Variants in PDS5A observed in about 807,000 individuals in gnomAD.
PDS5A encodes PDS5 cohesin associated factor A.
A neutral mutation model predicts 167.1 loss-of-function variants in PDS5A; 42 were observed. The ratio of observed to expected loss-of-function variants is 0.25; its 90% confidence interval spans 0.20 to 0.33. The LOEUF is 0.33. Ranked by LOEUF, PDS5A falls within the 10% of genes least tolerant of loss-of-function variation. The pLI is 1.00. For synonymous variants in PDS5A, 553 were observed against 554.6 expected, an observed-to-expected ratio of 1.00 and a Z score of 0.04; for missense variants, 1,033 against 1,605.9, an observed-to-expected ratio of 0.64 and a Z score of 6.10.
intron 2 of PDS5A, among the ~76,000 whole-genome samples, chr4:39,965,840 A>G (rs1236823191): frequency 6.6e-6 from 1 of 152,182 alleles, no homozygotes; most frequent in Admixed American, 6.6e-5. Flanking sequence ...GGAAGATGAA[A>G]AATTCTGGAG....
chr4:39,903,425 G>A lies in PDS5A; in HGVS notation c.1385+615C>T, dbSNP rs182700940. On this transcript the variant is annotated intron_variant, in intron 12 of 32. Coordinates refer to ENST00000303538, the MANE Select transcript of PDS5A (RefSeq NM_001100399.2). ...ACAAATGAAATACATATCCAGTGAT[G>A]CCAGAGAAGTTAGTTTAATTAAACA... 6.6e-3 allele frequency among the ~76,000 whole-genome samples: 1,007 copies of A among 152,288 alleles called. 6 individuals are homozygous for A. Among genetic ancestry groups the A allele is most frequent in the Middle Eastern group, 0.014 (4 of 294 alleles).
intron 29 of PDS5A, among the ~76,000 whole-genome samples, chr4:39,845,548 G>T (rs1407576052): frequency 6.6e-6 from 1 of 152,050 alleles, no homozygotes; most frequent in Non-Finnish European, 1.5e-5. Context: ...ACCTAAGTTG[G>T]TTATACCATT....
intron 26 of PDS5A, among the ~76,000 whole-genome samples, chr4:39,860,260 T>C (rs1301674245): frequency 1.3e-5 from 2 of 152,008 alleles, no homozygotes; most frequent in Admixed American, 6.6e-5. Context: ...GGCCAGTAGT[T>C]GGGAGACCAG....
chr4:39,950,236 G>A (rs146953524), intron 2 of PDS5A, among the ~76,000 whole-genome samples: 1 of 152,192 alleles, frequency 6.6e-6, no homozygotes, highest in Non-Finnish European at 1.5e-5. Context: ...TCTATGGTAT[G>A]AGAATTATAT....
chr4:39,839,162 G>T (rs181142325), intron 31 of PDS5A, among the ~76,000 whole-genome samples: 6 of 152,090 alleles, frequency 3.9e-5, no homozygotes, highest in African/African-American at 1.4e-4. Flanking sequence ...CTAATCTATT[G>T]GTATCTGGAT....
chr4:39,893,326 C>A (rs1464219298), intron 16 of PDS5A, among the ~76,000 whole-genome samples: 1 of 152,166 alleles, frequency 6.6e-6, no homozygotes, highest in African/African-American at 2.4e-5. Flanking sequence ...TTATATCCCC[C>A]ACCCCACACA....
rs1730786764 is a variant in PDS5A at position 39,973,669 on chromosome 4, T to TA, written c.138+2770dup. The TA allele has an allele frequency of 3.1e-6, 4 of 1,292,250 alleles. No individual in the cohort carries two copies. In the East Asian group the frequency reaches 9.2e-5, roughly 30 times the overall value. The allele number at this position is 1,292,250 out of a possible 1,614,324, so 80.0% of individuals were successfully genotyped here. On this transcript the variant is annotated intron_variant, in intron 2 of 32. Coordinates refer to ENST00000303538, the MANE Select transcript of PDS5A (RefSeq NM_001100399.2). ...TAGAACTGTGGCCACAAAACCATCG[T>TA]ATGTAGCTTTAGCTCAGCGCAAAGA...
At chr4:39,869,373 T>C (rs770748882) in intron 22 of PDS5A, 21 bp downstream of exon 22, 7 of 1,420,184 alleles carry the variant, frequency 4.9e-6, no homozygotes, top group Non-Finnish European at 6.0e-6. Context: ...ATGAAGATTA[T>C]CAAGGCCTAA....
chr4:39,869,115 G>A (rs1252491443), intron 22 of PDS5A, among the ~76,000 whole-genome samples: 1 of 151,982 alleles, frequency 6.6e-6, no homozygotes, highest in Non-Finnish European at 1.5e-5. Flanking sequence ...ACCATTTTTT[G>A]CAATGGATTT....
intron 8 of PDS5A, among the ~76,000 whole-genome samples, chr4:39,915,858 T>C (rs1287933515): frequency 6.6e-6 from 1 of 152,210 alleles, no homozygotes; most frequent in East Asian, 1.9e-4. Context: ...CAGTGATTAT[T>C]TCAAAAGAGG....
chr4:39,967,440 G>A (rs2109819149), intron 2 of PDS5A, among the ~76,000 whole-genome samples: 1 of 152,246 alleles, frequency 6.6e-6, no homozygotes, highest in African/African-American at 2.4e-5. Context: ...GAGGTCAGGG[G>A]TTCGAGACAA....
chr4:39,934,296 C>G (rs1448359198), intron 2 of PDS5A, among the ~76,000 whole-genome samples: 1 of 152,176 alleles, frequency 6.6e-6, no homozygotes, highest in Non-Finnish European at 1.5e-5. Flanking sequence ...GGTGCTCTTC[C>G]AGCAATTCCA....
At chr4:39,943,640 A>T (rs902085713) in intron 2 of PDS5A, among the ~76,000 whole-genome samples, 1 of 127,942 alleles carries the variant, frequency 7.8e-6, no homozygotes, top group African/African-American at 2.9e-5. Flanking sequence ...AAAAAAAAAA[A>T]TACAAAAAAT....
Position 39,838,863 on chromosome 4 carries a change from T to C in PDS5A, c.3658-655A>G, listed in dbSNP as rs189944760. ...GGAGAAACCCTGTCTCTACTAAAAA[T>C]ACAAAATTAGCCAGGCATGGTGGCC... On this transcript the variant is annotated intron_variant, in intron 31 of 32. Transcript: ENST00000303538. 2.6e-3 allele frequency among the ~76,000 whole-genome samples: 391 copies of C among 151,736 alleles called. 1 individual carries two copies. Among genetic ancestry groups the C allele is most frequent in the Non-Finnish European group, 4.5e-3 (303 of 67,938 alleles).
intron 2 of PDS5A, among the ~76,000 whole-genome samples, chr4:39,942,071 C>G (rs115509062): frequency 0.019 from 2,883 of 152,238 alleles, 35 homozygotes; most frequent in Non-Finnish European, 0.028. Flanking sequence ...ACACAGTGCT[C>G]CTAAATTAAT....
At chr4:39,908,771 A>G (rs1002330612) in intron 10 of PDS5A, 9 of 464,018 alleles carry the variant, frequency 1.9e-5, no homozygotes, top group Non-Finnish European at 3.0e-5. Context: ...CAACTGTAAT[A>G]CCAGCACTTT....
intron 2 of PDS5A, among the ~76,000 whole-genome samples, chr4:39,965,197 T>C (rs188931524): frequency 8.5e-5 from 13 of 152,312 alleles, no homozygotes; most frequent in East Asian, 7.7e-4. Flanking sequence ...ACCTCCTCCA[T>C]GGTGTCTTGG....
intron 17 of PDS5A, among the ~76,000 whole-genome samples, chr4:39,882,983 G>C (rs1409564155): frequency 6.6e-6 from 1 of 152,106 alleles, no homozygotes; most frequent in Non-Finnish European, 1.5e-5. Flanking sequence ...AGGAAGAGTA[G>C]TAATGGACGC....
intron 32 of PDS5A, among the ~76,000 whole-genome samples, chr4:39,830,394 A>T (rs990002039): frequency 6.6e-6 from 1 of 152,042 alleles, no homozygotes; most frequent in Non-Finnish European, 1.5e-5. Flanking sequence ...GGGTCTTGCT[A>T]TAGTACCAAA....
Sources: allele counts gnomAD v4.1 joint callset (sites outside exome capture counted in the v4.1 genomes callset), GRCh38; gene constraint gnomAD v4.1.1; transcripts MANE v1.5; gene names NCBI Gene and HGNC (gene_info 2026-07-23, HGNC 2026-07-21).